Variants in QDPR observed in about 807,000 individuals in gnomAD.
The protein encoded by QDPR is dihydropteridine reductase.
A neutral mutation model predicts 31.7 loss-of-function variants in QDPR; 23 were observed. The observed-to-expected ratio is 0.73, with a 90% CI of 0.52 to 1.03. The LOEUF (loss-of-function observed/expected upper bound fraction) is 1.03. Among genes scored for constraint, QDPR ranks in the 50% least tolerant of loss-of-function variants. The pLI, the probability that QDPR is intolerant of heterozygous loss-of-function variation, is 0.00. For synonymous variants in QDPR, 124 were observed against 124.7 expected, an observed-to-expected ratio of 0.99 and a Z score of 0.03; for missense variants, 324 against 323.8, an observed-to-expected ratio of 1.00 and a Z score of 0.00.
At chr4:17,504,007 T>C (rs1242427132) in intron 3 of QDPR, among the ~76,000 whole-genome samples, 1 of 151,820 alleles carries the variant, frequency 6.6e-6, no homozygotes, top group Non-Finnish European at 1.5e-5. Context: ...AAAGAAAAGA[T>C]GAAAAAAGGA....
At chr4:17,488,183 C>A (rs748781705) in intron 6 of QDPR, among the ~76,000 whole-genome samples, 30 of 152,134 alleles carry the variant, frequency 2.0e-4, no homozygotes, top group Non-Finnish European at 3.7e-4. Context: ...ATTGCTTGAG[C>A]CCCGGAGATC....
chr4:17,493,606 T>G (rs1224758251), intron 4 of QDPR, among the ~76,000 whole-genome samples: 1 of 152,076 alleles, frequency 6.6e-6, no homozygotes, highest in African/African-American at 2.4e-5. Flanking sequence ...TTATAAAGGA[T>G]ACAACTCAGG....
chr4:17,492,258 G>C lies in QDPR; in HGVS notation c.519C>G (p.Pro173=). The C allele has an allele frequency of 1.2e-6, 2 of 1,614,008 alleles. No individual in the cohort carries two copies. The highest frequency in any genetic ancestry group is 1.1e-5 in the South Asian group (1 of 91,066). The change falls in exon 5 of 7, where the codon CCC becomes CCG. Residue 173 remains proline (P), a synonymous_variant. Transcript: ENST00000281243. The part of the protein sequence containing the change: ...SLAGKNSGMP[P]GAAAIAVLPV... ...GGAGCACAGCGATGGCGGCTGCCCC[G>C]GGCGGCATGCCGCTGTTCTTCCCAG...
intron 2 of QDPR, among the ~76,000 whole-genome samples, chr4:17,508,349 G>T (rs895065276): frequency 1.3e-5 from 2 of 152,238 alleles, no homozygotes; most frequent in African/African-American, 4.8e-5. Flanking sequence ...TGAGGCACAA[G>T]AATTGTTTGA....
Position 17,490,298 on chromosome 4 carries a change from A to C in QDPR, c.629+364T>G, listed in dbSNP as rs78972267. 4.1e-3 allele frequency: 1,363 copies of C among 332,096 alleles called. 22 individuals are homozygous for C. Among genetic ancestry groups the C allele is most frequent in the African/African-American group, 0.027 (1,268 of 46,674 alleles). 20.6% of individuals were successfully genotyped at this position (332,096 alleles called of 1,614,324 possible). On this transcript the variant is annotated intron_variant, in intron 6 of 6. Coordinates refer to ENST00000281243, the MANE Select transcript of QDPR (RefSeq NM_000320.3). ...GGATCACTGAGCACTTGTTATGGCC[A>C]GACACTGTGTTGAGTGCTTGCCGCA...
intron 5 of QDPR, 150 bp downstream of exon 5, chr4:17,492,082 G>C (rs948487484): frequency 1.6e-6 from 1 of 625,532 alleles, no homozygotes; most frequent in African/African-American, 1.8e-5. Context: ...AACAGATTAA[G>C]ATAATAAGTA....
At chr4:17,493,874 G>A (rs1560309043) in intron 4 of QDPR, among the ~76,000 whole-genome samples, 2 of 152,124 alleles carry the variant, frequency 1.3e-5, no homozygotes, top group African/African-American at 2.4e-5. Context: ...CTGTCTAGGG[G>A]CCCCAACCTA....
intron 4 of QDPR, among the ~76,000 whole-genome samples, chr4:17,493,299 C>T (rs1302117135): frequency 1.3e-5 from 2 of 152,134 alleles, no homozygotes; most frequent in Non-Finnish European, 2.9e-5. Flanking sequence ...GCCATGCCTG[C>T]TGGTACATGC....
rs529698353 is a variant in QDPR at position 17,512,078 on chromosome 4, C to A, written c.-24G>T. ...ATCCTGCTCCTGCCAGCCCGGCTCC[C>A]GCAGCTCCGAATGCCTCGAGCCGGA... is the stretch of plus-strand genomic sequence containing the variant. On this transcript the variant is annotated 5_prime_UTR_variant, in exon 1 of 7. Transcript: ENST00000281243. 4.4e-4 allele frequency: 691 copies of A among 1,554,174 alleles called. 1 individual carries two copies. In the African/African-American group the frequency reaches 7.4e-3, roughly 17 times the overall value.
At chr4:17,510,316 A>G (rs888148749) in intron 1 of QDPR, among the ~76,000 whole-genome samples, 1 of 152,148 alleles carries the variant, frequency 6.6e-6, no homozygotes, top group African/African-American at 2.4e-5. Flanking sequence ...GGTTCCCAAC[A>G]AAAGAGGTTG....
intron 3 of QDPR, among the ~76,000 whole-genome samples, chr4:17,503,532 A>C (rs1312983655): frequency 6.6e-6 from 1 of 151,554 alleles, no homozygotes. Flanking sequence ...CAGGCACAAG[A>C]AAACAAGCTC....
chr4:17,502,539 A>C (rs1718608375), intron 3 of QDPR, among the ~76,000 whole-genome samples: 1 of 152,206 alleles, frequency 6.6e-6, no homozygotes, highest in Non-Finnish European at 1.5e-5. Flanking sequence ...CCACTAAAAA[A>C]GACTAGGAAA....
In QDPR at chr4:17,508,634, A is replaced by T. The variant is rs557288088; in HGVS notation, c.198+637T>A. ...GTAATCTGGAGAATTATTTAAGTATAAAAAAAAAAAAAAACAAAGCTTACC... is the reference window on the plus strand; with the variant it reads ...GTAATCTGGAGAATTATTTAAGTATTAAAAAAAAAAAAAACAAAGCTTACC... On this transcript the variant is annotated intron_variant, in intron 2 of 6. Transcript: ENST00000281243. Among the ~76,000 whole-genome samples, 25 of 31,818 alleles carry T rather than the reference A, an allele frequency of 7.9e-4. No homozygotes were observed. The East Asian group carries it at 0.059, about 75-fold the overall frequency. 20.9% of individuals were successfully genotyped at this position (31,818 alleles called of 152,430 possible). A position where few individuals can be genotyped will look rare whatever the true frequency, so the allele number is the denominator to read the frequency against.
In QDPR at chr4:17,496,633, G is replaced by A. The variant is rs1718369517; in HGVS notation, c.437-4293C>T. On this transcript the variant is annotated intron_variant, in intron 4 of 6. Coordinates refer to ENST00000281243, the MANE Select transcript of QDPR (RefSeq NM_000320.3). ...AGCCTCTATCGAGTCATCAAATTAT[G>A]GTGCTTTTCTTTTTTTTTTTTTGAG... Among the ~76,000 whole-genome samples, 3 of 151,674 alleles carry A rather than the reference G, an allele frequency of 2.0e-5. No homozygotes were observed. In the South Asian group the frequency reaches 6.3e-4, roughly 32 times the overall value.
Position 17,501,638 on chromosome 4 carries a change from C to T in QDPR, c.436+81G>A. On this transcript the variant is annotated intron_variant, in intron 4 of 6. Transcript: ENST00000281243. ...CTTAGAGGGTAAAGGCTTTAACAGT[C>T]CTCATCCCATGAAAGTGCCCAGCAG... is the stretch of plus-strand genomic sequence containing the variant. 2.6e-6 allele frequency: 4 copies of T among 1,534,564 alleles called. No homozygotes were observed. In the Admixed American group the frequency reaches 6.9e-5, roughly 26 times the overall value.
intron 2 of QDPR, among the ~76,000 whole-genome samples, chr4:17,507,049 T>C (rs1205772412): frequency 6.6e-6 from 1 of 152,250 alleles, no homozygotes; most frequent in African/African-American, 2.4e-5. Flanking sequence ...ATTTTCTATA[T>C]CATACATGCA....
At chr4:17,506,190 C>T (rs547130849) in intron 2 of QDPR, among the ~76,000 whole-genome samples, 2 of 152,296 alleles carry the variant, frequency 1.3e-5, no homozygotes, top group Non-Finnish European at 2.9e-5. Context: ...AGTGCAGTGG[C>T]ATGATCTCGG....
At chr4:17,508,193 T>C (rs2597779) in intron 2 of QDPR, among the ~76,000 whole-genome samples, 36,617 of 152,190 alleles carry the variant, frequency 0.24, 5,096 homozygotes, top group South Asian at 0.37. Context: ...TCCCATTACT[T>C]TGGGAGGCCA....
chr4:17,487,218 G>C lies in QDPR; in HGVS notation c.648C>G (p.Ile216Met). 6.2e-7 allele frequency: 1 copy of C among 1,613,082 alleles called. No homozygotes were observed. The highest frequency in any genetic ancestry group is 8.5e-7 in the Non-Finnish European group (1 of 1,179,536). Residue 216 changes from isoleucine to methionine, a missense_variant, in exon 7 of 7, where the codon ATC becomes ATG. By Grantham distance (10) the Ile-to-Met change is conservative. Transcript: ENST00000281243. ...CTGAGCTCGGTCGGTTTTTCCCTGTGATCCAGTCATGGAAAGTTCTGGAAC... is the reference window on the plus strand; with the variant it reads ...CTGAGCTCGGTCGGTTTTTCCCTGTCATCCAGTCATGGAAAGTTCTGGAAC... ...EFLVETFHDW[I>M]TGKNRPSSGS...
Sources: allele counts gnomAD v4.1 joint callset (sites outside exome capture counted in the v4.1 genomes callset), GRCh38; gene constraint gnomAD v4.1.1; transcripts MANE v1.5; gene names NCBI Gene and HGNC (gene_info 2026-07-23, HGNC 2026-07-21).